The following PLCB1 variants were observed in gnomAD, a reference collection of about 807,000 sequenced individuals.
The protein encoded by PLCB1 is 1-phosphatidylinositol 4,5-bisphosphate phosphodiesterase beta-1.
Under a neutral mutation model 161.8 loss-of-function variants are expected in PLCB1, and 46 were observed. That is an observed-to-expected ratio of 0.28 (90% CI 0.22 to 0.36). The LOEUF is 0.36. PLCB1 is among the 10% of genes least tolerant of loss of function. The pLI is 1.00. For synonymous variants in PLCB1, 517 were observed against 503.7 expected (o/e 1.03, Z -0.35); for missense variants, 1,016 against 1,472.5 (o/e 0.69, Z 5.07).
intron 2 of PLCB1, among the ~76,000 whole-genome samples, chr20:8,258,860 G>A (rs1160241607): frequency 6.6e-6 from 1 of 151,896 alleles, no homozygotes; most frequent in East Asian, 1.9e-4. Context: ...CTACAGTTGT[G>A]CGAGTCTTAA....
intron 3 of PLCB1, among the ~76,000 whole-genome samples, chr20:8,548,358 C>T (rs143720030): frequency 1.4e-5 from 2 of 141,722 alleles, no homozygotes. Flanking sequence ...TTTCTTTTGT[C>T]TCTCTCCTTC....
chr20:8,662,316 TA>T (rs1460210858), intron 9 of PLCB1, among the ~76,000 whole-genome samples: 2 of 118,728 alleles, frequency 1.7e-5, no homozygotes, highest in East Asian at 2.7e-4. Flanking sequence ...TAATTATGTA[TA>T]ATATGTAATT....
At chr20:8,226,458 T>C (rs994530567) in intron 2 of PLCB1, among the ~76,000 whole-genome samples, 1 of 152,094 alleles carries the variant, frequency 6.6e-6, no homozygotes, top group African/African-American at 2.4e-5. Context: ...CCTATAGCAA[T>C]GATTTTAGAA....
chr20:8,344,317 A>G (rs1290880916), intron 2 of PLCB1, among the ~76,000 whole-genome samples: 1 of 152,160 alleles, frequency 6.6e-6, no homozygotes, highest in Non-Finnish European at 1.5e-5. Flanking sequence ...TTGGTCTCGC[A>G]GTTTGTGCCA....
intron 3 of PLCB1, among the ~76,000 whole-genome samples, chr20:8,376,917 G>T (rs1295173271): frequency 6.6e-6 from 1 of 150,732 alleles, no homozygotes; most frequent in Non-Finnish European, 1.5e-5. Flanking sequence ...GACAGAGCGA[G>T]ACTCCATCTC....
chr20:8,653,760 G>A (rs1413918251), intron 7 of PLCB1, among the ~76,000 whole-genome samples: 2 of 151,814 alleles, frequency 1.3e-5, no homozygotes, highest in Non-Finnish European at 2.9e-5. Flanking sequence ...AAACTAATAG[G>A]AATATTTAGT....
At chr20:8,880,207 C>T (rs6056226) in intron 31 of PLCB1, among the ~76,000 whole-genome samples, 21,665 of 152,128 alleles carry the variant, frequency 0.14, 1,564 homozygotes, top group East Asian at 0.26. Context: ...AAGGATTATT[C>T]TCCCTGCTCA....
chr20:8,691,673 T>G (rs1990482314), intron 10 of PLCB1, among the ~76,000 whole-genome samples: 1 of 152,136 alleles, frequency 6.6e-6, no homozygotes, highest in Non-Finnish European at 1.5e-5. Context: ...ACTGTAAAAA[T>G]TAAATATACA....
chr20:8,740,005 AAAT>A (rs1348306992), intron 21 of PLCB1, among the ~76,000 whole-genome samples: 1 of 152,150 alleles, frequency 6.6e-6, no homozygotes, highest in East Asian at 1.9e-4. Flanking sequence ...TCTCTACAAA[AAAT>A]AATAATAACA....
chr20:8,825,323 G>A (rs950305151), intron 31 of PLCB1, among the ~76,000 whole-genome samples: 2 of 152,212 alleles, frequency 1.3e-5, no homozygotes, highest in Non-Finnish European at 1.5e-5. Flanking sequence ...AGCAAGGTAG[G>A]TATAGGGGAT....
rs376295487 is a variant in PLCB1 at position 8,535,778 on chromosome 20, T to C, written c.247-92516T>C. 2.6e-5 allele frequency among the ~76,000 whole-genome samples: 4 copies of C among 152,126 alleles called. No homozygotes were observed. The East Asian group carries it at 7.7e-4, about 29-fold the overall frequency. On this transcript the variant is annotated intron_variant, in intron 3 of 31. Transcript: ENST00000338037. Reference sequence around the variant, plus strand: ...AACATGAAAAATTATTTTGATATAATAAAAGAGAAAATAACAGGATGCTAT... The same window carrying C: ...AACATGAAAAATTATTTTGATATAACAAAAGAGAAAATAACAGGATGCTAT...
chr20:8,444,540 T>C (rs1980724941), intron 3 of PLCB1, among the ~76,000 whole-genome samples: 2 of 152,204 alleles, frequency 1.3e-5, no homozygotes, highest in South Asian at 4.1e-4. Context: ...GCAGCATGAT[T>C]TATAGTCCTT....
chr20:8,169,462 A>C (rs780857944), intron 2 of PLCB1, among the ~76,000 whole-genome samples: 1 of 152,176 alleles, frequency 6.6e-6, no homozygotes, highest in Non-Finnish European at 1.5e-5. Flanking sequence ...ACACATGCTG[A>C]TAGGTGCTTC....
intron 3 of PLCB1, among the ~76,000 whole-genome samples, chr20:8,408,481 T>C (rs1413001689): frequency 1.6e-4 from 24 of 151,628 alleles, no homozygotes; most frequent in Admixed American, 1.6e-3. Flanking sequence ...ATGAAATAGG[T>C]ACTGTAAAAC....
chr20:8,371,378 C>T lies in PLCB1; in HGVS notation c.178-4C>T. 1 of 1,609,904 alleles carries T rather than the reference C, an allele frequency of 6.2e-7. No individual in the cohort carries two copies. On this transcript the variant is annotated splice_polypyrimidine_tract_variant and splice_region_variant and intron_variant, in intron 2 of 31. Transcript: ENST00000338037. ...CTTAACGATTTCACGTTTTTGCCTT[C>T]CAGGAGACAGAGCTACTGGATCTCA...
At chr20:8,876,845 A>AAAC (rs2146331306) in intron 31 of PLCB1, among the ~76,000 whole-genome samples, 1 of 152,300 alleles carries the variant, frequency 6.6e-6, no homozygotes, top group Non-Finnish European at 1.5e-5. Context: ...ATGGCTGAGT[A>AAAC]AACTTCTAAC....
chr20:8,853,277 A>G (rs1311676140), intron 31 of PLCB1, among the ~76,000 whole-genome samples: 1 of 152,254 alleles, frequency 6.6e-6, no homozygotes, highest in Non-Finnish European at 1.5e-5. Context: ...AAAAGTATGC[A>G]GCTTGACAAA....
intron 3 of PLCB1, among the ~76,000 whole-genome samples, chr20:8,484,525 A>G (rs1982642108): frequency 6.6e-6 from 1 of 150,434 alleles, no homozygotes; most frequent in African/African-American, 2.5e-5. Context: ...CCATGCCCAG[A>G]TAATTTTTTC....
chr20:8,727,773 G>C (rs1367364338), intron 17 of PLCB1, among the ~76,000 whole-genome samples: 1 of 151,916 alleles, frequency 6.6e-6, no homozygotes, highest in African/African-American at 2.4e-5. Context: ...ACATATATAA[G>C]ATATATGTAA....
Sources: allele counts gnomAD v4.1 joint callset (sites outside exome capture counted in the v4.1 genomes callset), GRCh38; gene constraint gnomAD v4.1.1; transcripts MANE v1.5; gene names NCBI Gene and HGNC (gene_info 2026-07-23, HGNC 2026-07-21).